Variants in CHD7 observed in about 807,000 individuals in gnomAD.
The protein encoded by CHD7 is ATP-dependent chromatin remodeler CHD7.
Under a neutral mutation model 307.3 loss-of-function variants are expected in CHD7, and 24 were observed. The observed-to-expected ratio is 0.08, with a 90% CI of 0.06 to 0.11. The LOEUF (loss-of-function observed/expected upper bound fraction) is 0.11, where lower values mean the gene tolerates loss of function less well. Among genes scored for constraint, CHD7 ranks in the 10% least tolerant of loss-of-function variants. The pLI, the probability that CHD7 is intolerant of heterozygous loss-of-function variation, is 1.00. For missense variants in CHD7, 3,106 were observed against 3,727.1 expected, an observed-to-expected ratio of 0.83 and a Z score of 4.34; for synonymous variants, 1,363 against 1,349.9, an observed-to-expected ratio of 1.01 and a Z score of -0.21.
chr8:60,751,973 T>C (rs1315733364), intron 2 of CHD7, among the ~76,000 whole-genome samples: 1 of 152,232 alleles, frequency 6.6e-6, no homozygotes, highest in East Asian at 1.9e-4. Flanking sequence ...TTACCTCTTA[T>C]TTTAAAGATT....
At chr8:60,841,530 C>G in intron 19 of CHD7, 114 bp from the exon 20 acceptor site, 1 of 784,948 alleles carries the variant, frequency 1.3e-6, no homozygotes, top group Non-Finnish European at 2.2e-6. Context: ...ACTGTAGTGT[C>G]TGGCATAAGT....
intron 8 of CHD7, among the ~76,000 whole-genome samples, chr8:60,818,915 A>G (rs1803885174): frequency 6.6e-6 from 1 of 152,180 alleles, no homozygotes; most frequent in Non-Finnish European, 1.5e-5. Flanking sequence ...TAACATCTGA[A>G]ACTTGTCTGA....
In CHD7 at chr8:60,678,773, G is replaced by GGCGGCGGCGGCGGCGGCGGCGGCA. The variant is rs1563506805; in HGVS notation, c.-467_-466insGGCGGCAGCGGCGGCGGCGGCGGC. ...GCTGGCGTGCTGGGGCCGCGGCGGC[G>GGCGGCGGCGGCGGCGGCGGCGGCA]GCGGCGGCGGCGGCGGCAGCGGCGG... On this transcript the variant is annotated 5_prime_UTR_variant, in exon 1 of 38. Transcript: ENST00000423902. The GGCGGCGGCGGCGGCGGCGGCGGCA allele has an allele frequency of 1.4e-4, 20 of 142,612 alleles. No homozygotes were observed. The highest frequency in any genetic ancestry group is 4.2e-4 in the East Asian group (2 of 4,760). 8.8% of individuals were successfully genotyped at this position (142,612 alleles called of 1,614,324 possible).
chr8:60,734,078 A>T (rs987454046), intron 1 of CHD7, among the ~76,000 whole-genome samples: 7 of 152,236 alleles, frequency 4.6e-5, no homozygotes, highest in African/African-American at 1.7e-4. Flanking sequence ...TGTCAGACAC[A>T]AATGTCAAGA....
intron 35 of CHD7, 57 bp from the exon 36 acceptor site, chr8:60,862,139 A>T: frequency 1.4e-6 from 2 of 1,386,238 alleles, no homozygotes; most frequent in Non-Finnish European, 2.0e-6. Context: ...TGGCATTTAT[A>T]TAGAGAAGAA....
At chr8:60,843,219 A>C (rs921773120) in intron 21 of CHD7, among the ~76,000 whole-genome samples, 1 of 152,212 alleles carries the variant, frequency 6.6e-6, no homozygotes. Context: ...CTTGTTCAAC[A>C]GAAGTCCATC....
intron 1 of CHD7, among the ~76,000 whole-genome samples, chr8:60,739,357 G>A (rs1808873610): frequency 6.6e-6 from 1 of 152,208 alleles, no homozygotes; most frequent in Non-Finnish European, 1.5e-5. Flanking sequence ...AAGTTAGAAT[G>A]AGCCTTGAAT....
At chr8:60,795,303 A>C (rs1252966308) in intron 4 of CHD7, among the ~76,000 whole-genome samples, 176 bp downstream of exon 4, 3 of 152,176 alleles carry the variant, frequency 2.0e-5, no homozygotes, top group African/African-American at 7.2e-5. Context: ...GGCGTGGAAC[A>C]AGAAATTATA....
intron 2 of CHD7, among the ~76,000 whole-genome samples, chr8:60,777,870 A>G (rs1035757903): frequency 6.6e-6 from 1 of 152,198 alleles, no homozygotes; most frequent in African/African-American, 2.4e-5. Context: ...TTATAGTAGA[A>G]TATATGTCAA....
At chr8:60,807,377 A>C (rs1812584986) in intron 6 of CHD7, among the ~76,000 whole-genome samples, 1 of 152,230 alleles carries the variant, frequency 6.6e-6, no homozygotes, top group African/African-American at 2.4e-5. Flanking sequence ...AATGTTCCAG[A>C]AGGAAATTAC....
intron 1 of CHD7, among the ~76,000 whole-genome samples, chr8:60,705,916 A>T (rs916534647): frequency 6.6e-6 from 1 of 152,202 alleles, no homozygotes; most frequent in African/African-American, 2.4e-5. Flanking sequence ...GGCACAAATA[A>T]TCCATATAGA....
intron 2 of CHD7, among the ~76,000 whole-genome samples, chr8:60,768,457 T>C (rs1164899986): frequency 6.6e-6 from 1 of 152,220 alleles, no homozygotes; most frequent in Admixed American, 6.5e-5. Flanking sequence ...CAGTGACTGG[T>C]GTACTTGGAT....
chr8:60,760,122 T>G (rs896316866), intron 2 of CHD7, among the ~76,000 whole-genome samples: 2 of 152,172 alleles, frequency 1.3e-5, no homozygotes, highest in African/African-American at 4.8e-5. Flanking sequence ...TTTTCAGCTT[T>G]GGAAATCTGA....
At chr8:60,833,450 G>A (rs1804611219) in intron 15 of CHD7, among the ~76,000 whole-genome samples, 1 of 152,056 alleles carries the variant, frequency 6.6e-6, no homozygotes, top group East Asian at 1.9e-4. Context: ...GGAAGAGTGG[G>A]CAAAAAGAAA....
intron 28 of CHD7, 47 bp from the exon 29 acceptor site, chr8:60,851,972 G>A: frequency 7.4e-7 from 1 of 1,343,300 alleles, no homozygotes; most frequent in Non-Finnish European, 1.0e-6. Context: ...ACTCTGTATT[G>A]CAAGATTGCA....
At chr8:60,827,673 G>C (rs1804314529) in intron 13 of CHD7, among the ~76,000 whole-genome samples, 1 of 152,022 alleles carries the variant, frequency 6.6e-6, no homozygotes. Context: ...CAAGCATATT[G>C]AACTCCTTCA....
intron 3 of CHD7, among the ~76,000 whole-genome samples, chr8:60,785,595 G>C (rs1161167365): frequency 6.6e-6 from 1 of 152,160 alleles, no homozygotes; most frequent in Non-Finnish European, 1.5e-5. Flanking sequence ...ACGTTTACCT[G>C]AGAAATACTT....
chr8:60,819,854 A>G (rs1249527092), intron 8 of CHD7, among the ~76,000 whole-genome samples, 153 bp from the exon 9 acceptor site: 2 of 152,378 alleles, frequency 1.3e-5, no homozygotes, highest in South Asian at 2.1e-4. Flanking sequence ...TGATTTTGCT[A>G]AATTGTAGCA....
At chr8:60,743,120 T>C in intron 2 of CHD7, 23 bp downstream of exon 2, 1 of 1,591,004 alleles carries the variant, frequency 6.3e-7, no homozygotes, top group African/African-American at 1.3e-5. Flanking sequence ...AGAGCCTACC[T>C]CTGCATTGCA....
Sources: allele counts gnomAD v4.1 joint callset (sites outside exome capture counted in the v4.1 genomes callset), GRCh38; gene constraint gnomAD v4.1.1; transcripts MANE v1.5; gene names NCBI Gene and HGNC (gene_info 2026-07-23, HGNC 2026-07-21).